LONRF2: variants seen among roughly 807,000 people sequenced by gnomAD.
LONRF2 encodes LON peptidase N-terminal domain and RING finger protein 2.
Under a neutral mutation model 66.6 loss-of-function variants are expected in LONRF2, and 35 were observed. That is an observed-to-expected ratio of 0.53 (90% CI 0.40 to 0.70). LONRF2 has a LOEUF of 0.70. LONRF2 is among the 30% of genes least tolerant of loss of function. The probability of loss-of-function intolerance (pLI) is 0.00; values close to 1 mark genes in which losing one functional copy is unlikely to be tolerated. For missense variants in LONRF2, 902 were observed against 1,002.1 expected (o/e 0.90, Z 1.35); for synonymous variants, 417 against 418.1 (o/e 1.00, Z 0.03).
chr2:100,287,633 T>G (rs886262416), intron 10 of LONRF2, among the ~76,000 whole-genome samples: 1 of 152,254 alleles, frequency 6.6e-6, no homozygotes, highest in Admixed American at 6.5e-5. Context: ...CCTGGGCTGA[T>G]GGACTCCAGC....
chr2:100,304,656 C>A (rs1675255082), intron 2 of LONRF2, among the ~76,000 whole-genome samples: 1 of 135,066 alleles, frequency 7.4e-6, no homozygotes, highest in African/African-American at 3.0e-5. Flanking sequence ...CAGAGTCTTG[C>A]TCGCTCGTCC....
Position 100,279,508 on chromosome 2 carries a change from CAA to C in LONRF2, c.*4788_*4789del, listed in dbSNP as rs1674668088. The C allele has an allele frequency of 6.6e-6, 1 of 152,164 alleles. No homozygotes were observed. The highest frequency in any genetic ancestry group is 1.5e-5 in the Non-Finnish European group (1 of 68,040). The allele number at this position is 152,164 out of a possible 1,614,324, so 9.4% of individuals were successfully genotyped here. ...CCTACTCTTTAAAAGTTTCTGCTAT[CAA>C]AAGTGACCTTAGTATGTCAAAACAG... On this transcript the variant is annotated 3_prime_UTR_variant, in exon 12 of 12. Coordinates refer to ENST00000393437, the MANE Select transcript of LONRF2 (RefSeq NM_198461.4).
chr2:100,297,976 G>A lies in LONRF2; in HGVS notation c.1476+860C>T, dbSNP rs901498566. Among the ~76,000 whole-genome samples the A allele has an allele frequency of 1.3e-4, 18 of 139,816 alleles. No homozygotes were observed. The South Asian group carries it at 2.5e-3, about 19-fold the overall frequency. 91.7% of individuals were successfully genotyped at this position (139,816 alleles called of 152,430 possible). A position where few individuals can be genotyped will look rare whatever the true frequency, so the allele number is the denominator to read the frequency against. Reference sequence around the variant, plus strand: ...ATTTAAAAAATAAATTTTACTGTACGTTTGTAAAAAGAAAAAAAAACTTTA... The same window carrying A: ...ATTTAAAAAATAAATTTTACTGTACATTTGTAAAAAGAAAAAAAAACTTTA... On this transcript the variant is annotated intron_variant, in intron 7 of 11. Coordinates refer to ENST00000393437, the MANE Select transcript of LONRF2 (RefSeq NM_198461.4).
chr2:100,315,673 T>C (rs1675492407), intron 1 of LONRF2, among the ~76,000 whole-genome samples: 1 of 152,210 alleles, frequency 6.6e-6, no homozygotes, highest in South Asian at 2.1e-4. Flanking sequence ...TTTTCCAGGA[T>C]TAAACAAAAC....
chr2:100,319,494 C>T (rs1281641717), intron 1 of LONRF2, among the ~76,000 whole-genome samples: 1 of 152,188 alleles, frequency 6.6e-6, no homozygotes, highest in Non-Finnish European at 1.5e-5. Flanking sequence ...CTCATACTTC[C>T]TCACAATCAC....
intron 8 of LONRF2, 116 bp from the exon 9 acceptor site, chr2:100,294,503 A>C: frequency 1.1e-6 from 1 of 917,374 alleles, no homozygotes; most frequent in Non-Finnish European, 1.6e-6. Flanking sequence ...TACAAAACAA[A>C]ACCCTCAGGC....
In LONRF2 at chr2:100,322,150, C is replaced by A; in HGVS notation, c.-57G>T. 1 of 1,209,700 alleles carries A rather than the reference C, an allele frequency of 8.3e-7. No homozygotes were observed. Among genetic ancestry groups the A allele is most frequent in the Non-Finnish European group, 1.0e-6 (1 of 972,488 alleles). 74.9% of individuals were successfully genotyped at this position (1,209,700 alleles called of 1,614,324 possible). On this transcript the variant is annotated 5_prime_UTR_variant, in exon 1 of 12. Transcript: ENST00000393437. ...GCGAAGGCGCGGAGCAGGGAGGATG[C>A]GCTGCTGCTGGGAACTGGCCGGCGG...
At chr2:100,300,566 A>G in intron 4 of LONRF2, 78 bp downstream of exon 4, 1 of 1,369,710 alleles carries the variant, frequency 7.3e-7, no homozygotes, top group Non-Finnish European at 9.9e-7. Context: ...ATGTGTGAAT[A>G]ATCTGTAAAC....
At chr2:100,305,346 G>T (rs990710289) in intron 2 of LONRF2, among the ~76,000 whole-genome samples, 1 of 151,846 alleles carries the variant, frequency 6.6e-6, no homozygotes, top group Admixed American at 6.6e-5. Context: ...TTCCCCTCTG[G>T]ATTCACATGA....
chr2:100,319,102 C>T (rs1261688895), intron 1 of LONRF2, among the ~76,000 whole-genome samples: 1 of 140,644 alleles, frequency 7.1e-6, no homozygotes, highest in Non-Finnish European at 1.5e-5. Flanking sequence ...AGCCTGGTGA[C>T]AGAGCAAGAC....
At chr2:100,293,619 C>T (rs778149427) in intron 9 of LONRF2, among the ~76,000 whole-genome samples, 4 of 152,226 alleles carry the variant, frequency 2.6e-5, no homozygotes, top group South Asian at 2.1e-4. Context: ...GCTTGCAACA[C>T]CCTCTCTGGA....
At chr2:100,301,507 A>G (rs1675184408) in intron 3 of LONRF2, among the ~76,000 whole-genome samples, 1 of 152,230 alleles carries the variant, frequency 6.6e-6, no homozygotes, top group African/African-American at 2.4e-5. Flanking sequence ...CCTTGCAGCA[A>G]TGCGCACCAC....
intron 7 of LONRF2, among the ~76,000 whole-genome samples, chr2:100,296,220 GCACA>G: frequency 6.6e-6 from 1 of 152,280 alleles, no homozygotes; most frequent in Non-Finnish European, 1.5e-5. Context: ...GTGTATGTGT[GCACA>G]CAGATTAGTA....
At chr2:100,298,791 G>A (rs1206257439) in intron 7 of LONRF2, 45 bp downstream of exon 7, 1 of 1,414,298 alleles carries the variant, frequency 7.1e-7, no homozygotes, top group South Asian at 1.2e-5. Context: ...GTCCACCAAG[G>A]GATGAGAGGA....
rs370056482 is a variant in LONRF2, at chr2:100,286,573, C to T, written c.2070+341G>A. Among the ~76,000 whole-genome samples the T allele has an allele frequency of 8.5e-5, 13 of 152,296 alleles. No homozygotes were observed. The East Asian group carries it at 9.6e-4, about 11-fold the overall frequency. On this transcript the variant is annotated intron_variant, in intron 11 of 11. Transcript: ENST00000393437. ...ATACCAGGTGCAAGGCAATGCTATGCGCCAAACGTGGAATGTTCATGCCAA... is the reference window on the plus strand; with the variant it reads ...ATACCAGGTGCAAGGCAATGCTATGTGCCAAACGTGGAATGTTCATGCCAA...
rs1324405315 is a variant in LONRF2, at chr2:100,302,988, A to G, written c.854T>C (p.Leu285Ser). 6.2e-7 allele frequency: 1 copy of G among 1,611,992 alleles called. No individual in the cohort carries two copies. The highest frequency in any genetic ancestry group is 1.1e-5 in the South Asian group (1 of 90,720). ...LSGLGRSKEV[L>S]KEFLYCLALN... ...AGCAAGGCAGTAGAGAAATTCCTTT[A>G]ACACTTCCTTACTTCTTCCCAATCC... is the stretch of plus-strand genomic sequence containing the variant. The change falls in exon 3 of 12, where the codon TTA becomes TCA. Residue 285 changes from leucine to serine, a missense_variant. This residue lies in a region of LONRF2 where 585 missense variants were observed against 569.9 expected (regional missense o/e 1.03). Transcript: ENST00000393437.
Position 100,294,395 on chromosome 2 carries a change from G to A in LONRF2, c.1599-8C>T. ...GGGACGTCTCTGGTCAGACTGCAGA[G>A]CAAGGGGACATGTTATCTCAGATGT... is the stretch of plus-strand genomic sequence containing the variant. On this transcript the variant is annotated splice_polypyrimidine_tract_variant and splice_region_variant and intron_variant, in intron 8 of 11. Transcript: ENST00000393437. 6.4e-7 allele frequency: 1 copy of A among 1,558,748 alleles called. No homozygotes were observed. The highest frequency in any genetic ancestry group is 8.6e-7 in the Non-Finnish European group (1 of 1,157,678).
At chr2:100,313,338 T>C (rs1675445185) in intron 1 of LONRF2, among the ~76,000 whole-genome samples, 1 of 151,922 alleles carries the variant, frequency 6.6e-6, no homozygotes, top group South Asian at 2.1e-4. Context: ...CTACTAAAAG[T>C]AAAAAAATTA....
rs1014324321 is a variant in LONRF2 at position 100,272,485 on chromosome 2, C to A, written c.*11813G>T. Among the ~76,000 whole-genome samples, 4 of 151,596 alleles carry A rather than the reference C, an allele frequency of 2.6e-5. No homozygotes were observed. Among genetic ancestry groups the A allele is most frequent in the African/African-American group, 7.3e-5 (3 of 41,218 alleles). Reference sequence around the variant, plus strand: ...CTGCCCTCCAGCCTGGATGACACAGCAAGACCATGTCCCCCAAGAAGAAAA... The same window carrying A: ...CTGCCCTCCAGCCTGGATGACACAGAAAGACCATGTCCCCCAAGAAGAAAA... On this transcript the variant is annotated 3_prime_UTR_variant, in exon 12 of 12. Transcript: ENST00000393437.
Sources: gnomAD v4.1 joint callset for allele counts (sites outside exome capture counted in the v4.1 genomes callset) on GRCh38, gnomAD v4.1.1 for gene constraint, gnomAD v4.1.1 regional missense constraint, MANE v1.5 for transcripts, NCBI Gene and HGNC (gene_info 2026-07-23, HGNC 2026-07-21) for gene names.